Variants in MED13L observed in about 807,000 individuals in gnomAD.
MED13L encodes mediator complex subunit 13L, also known as mediator of RNA polymerase II transcription subunit 13-like.
MED13L carries 7 observed loss-of-function variants against 220.9 expected under a neutral mutation model. The ratio of observed to expected loss-of-function variants is 0.03; its 90% CI spans 0.02 to 0.06. The LOEUF (loss-of-function observed/expected upper bound fraction) is 0.06. MED13L is among the 10% of genes least tolerant of loss of function. The pLI is 1.00. For missense variants in MED13L, 1,965 were observed against 2,760.5 expected (o/e 0.71, Z 6.46); for synonymous variants, 1,011 against 1,015.2 (o/e 1.00, Z 0.08).
intron 1 of MED13L, among the ~76,000 whole-genome samples, chr12:116,273,688 C>T (rs1246118924): frequency 1.3e-5 from 2 of 152,090 alleles, no homozygotes; most frequent in Non-Finnish European, 2.9e-5. Flanking sequence ...GAGATTATCA[C>T]CCAATTATCC....
intron 2 of MED13L, among the ~76,000 whole-genome samples, chr12:116,148,076 A>AAAAAAG (rs1264462636): frequency 9.9e-5 from 5 of 50,546 alleles, no homozygotes; most frequent in South Asian, 7.7e-4. Flanking sequence ...AAAAAAAAAG[A>AAAAAAG]GGGGGGCGGG....
At chr12:116,203,769 C>T (rs771325847) in intron 2 of MED13L, among the ~76,000 whole-genome samples, 2 of 151,712 alleles carry the variant, frequency 1.3e-5, no homozygotes, top group Non-Finnish European at 2.9e-5. Flanking sequence ...TGCAGTGAGC[C>T]GAGATCACGC....
intron 2 of MED13L, among the ~76,000 whole-genome samples, chr12:116,201,956 T>C (rs1882032340): frequency 6.6e-6 from 1 of 152,244 alleles, no homozygotes. Context: ...CTTCATTCTC[T>C]TTGTAAGCTG....
chr12:115,963,453 G>T lies in MED13L; in HGVS notation c.6454C>A (p.Arg2152=), dbSNP rs755044661. 1.2e-6 allele frequency: 2 copies of T among 1,614,156 alleles called. No individual in the cohort carries two copies. The highest frequency in any genetic ancestry group is 2.2e-5 in the East Asian group (1 of 44,886). Residue 2152 remains arginine, a synonymous_variant, in exon 30 of 31, where the codon CGG becomes AGG. Coordinates refer to ENST00000281928, the MANE Select transcript of MED13L (RefSeq NM_015335.5). The part of the protein sequence containing the change: ...DELLPARNSQ[R]VPHPLDSKTT... ...TTGGAGTCAAGAGGGTGTGGAACCC[G>T]CTGAGAATTCCTGGCAGGCAGAAGT... is the stretch of plus-strand genomic sequence containing the variant.
intron 4 of MED13L, among the ~76,000 whole-genome samples, chr12:116,054,223 C>T (rs946606063): frequency 6.6e-6 from 1 of 151,914 alleles, no homozygotes; most frequent in Admixed American, 6.6e-5. Flanking sequence ...AACACACACA[C>T]ACACACACAC....
intron 4 of MED13L, among the ~76,000 whole-genome samples, chr12:116,061,923 G>A (rs551198368): frequency 1.3e-5 from 2 of 150,822 alleles, no homozygotes; most frequent in Admixed American, 6.6e-5. Flanking sequence ...CAGGAGAATG[G>A]CGTGAACCCG....
At chr12:116,265,311 TC>T (rs1872754282) in intron 1 of MED13L, among the ~76,000 whole-genome samples, 1 of 152,220 alleles carries the variant, frequency 6.6e-6, no homozygotes, top group African/African-American at 2.4e-5. Flanking sequence ...TAAGAAGTAA[TC>T]TTAAACCAAA....
chr12:116,272,928 T>A (rs1056208899), intron 1 of MED13L, among the ~76,000 whole-genome samples: 1 of 152,240 alleles, frequency 6.6e-6, no homozygotes, highest in Non-Finnish European at 1.5e-5. Context: ...ATTAAAAATA[T>A]ATAAATACTG....
intron 5 of MED13L, 91 bp downstream of exon 5, chr12:116,022,365 G>T: frequency 7.6e-6 from 11 of 1,456,936 alleles, no homozygotes; most frequent in Non-Finnish European, 8.6e-6. Flanking sequence ...GTCCATTTAA[G>T]ATAAGGTCTC....
At chr12:116,215,590 G>A (rs1408722593) in intron 2 of MED13L, among the ~76,000 whole-genome samples, 1 of 152,032 alleles carries the variant, frequency 6.6e-6, no homozygotes, top group East Asian at 1.9e-4. Flanking sequence ...ATAATGCCTC[G>A]CACAGTATCT....
At chr12:116,114,807 T>C (rs1874377391) in intron 2 of MED13L, among the ~76,000 whole-genome samples, 1 of 152,152 alleles carries the variant, frequency 6.6e-6, no homozygotes, top group Non-Finnish European at 1.5e-5. Context: ...TTTCTATATT[T>C]AGGAATAAAT....
chr12:116,238,417 G>A (rs918611018), intron 1 of MED13L, among the ~76,000 whole-genome samples: 6 of 152,136 alleles, frequency 3.9e-5, no homozygotes, highest in Non-Finnish European at 7.3e-5. Context: ...CATTACATAC[G>A]TTTATATTTC....
chr12:115,970,849 G>T, intron 26 of MED13L, 79 bp from the exon 27 acceptor site: 1 of 1,335,300 alleles, frequency 7.5e-7, no homozygotes, highest in Non-Finnish European at 1.1e-6. Context: ...GATCTGGAGT[G>T]GTATGAGTCT....
chr12:116,239,231 TGA>T (rs1204507971), intron 1 of MED13L, among the ~76,000 whole-genome samples: 13 of 152,340 alleles, frequency 8.5e-5, no homozygotes, highest in Admixed American at 2.6e-4. Flanking sequence ...TATTTTACGC[TGA>T]GATACGCAAA....
At chr12:116,000,559 A>T (rs1878676808) in intron 14 of MED13L, among the ~76,000 whole-genome samples, 1 of 152,174 alleles carries the variant, frequency 6.6e-6, no homozygotes, top group African/African-American at 2.4e-5. Context: ...GTCCCTTCCA[A>T]ACCGTAAGGA....
At chr12:115,984,915 T>A (rs1264774433) in intron 19 of MED13L, among the ~76,000 whole-genome samples, 1 of 151,958 alleles carries the variant, frequency 6.6e-6, no homozygotes, top group Non-Finnish European at 1.5e-5. Flanking sequence ...GCTATTAATC[T>A]CCATGACGCT....
At chr12:116,144,176 A>C (rs1877299671) in intron 2 of MED13L, among the ~76,000 whole-genome samples, 1 of 152,182 alleles carries the variant, frequency 6.6e-6, no homozygotes, top group African/African-American at 2.4e-5. Flanking sequence ...TCACACCATT[A>C]ACTCATGTGA....
chr12:116,222,601 A>T (rs1868548775), intron 2 of MED13L, among the ~76,000 whole-genome samples: 1 of 152,220 alleles, frequency 6.6e-6, no homozygotes, highest in African/African-American at 2.4e-5. Context: ...TCTGGGAAAC[A>T]TGGCGGCATT....
intron 4 of MED13L, among the ~76,000 whole-genome samples, chr12:116,031,759 A>AAGGAAGGAAGGAAGGAAGGAAGGAAG (rs1880838903): frequency 2.4e-5 from 1 of 40,952 alleles, no homozygotes; most frequent in Non-Finnish European, 4.5e-5. Context: ...AGAAAAGAAA[A>AAGGAAGGAAGGAAGGAAGGAAGGAAG]GAAGGAAGGA....
Sources: allele counts gnomAD v4.1 joint callset (sites outside exome capture counted in the v4.1 genomes callset), GRCh38; gene constraint gnomAD v4.1.1; transcripts MANE v1.5; gene names NCBI Gene and HGNC (gene_info 2026-07-23, HGNC 2026-07-21).